The following LY86 variants were observed in gnomAD, a reference collection of about 807,000 sequenced individuals.
LY86 encodes lymphocyte antigen 86.
In LY86, 20 loss-of-function variants were observed where a neutral mutation model predicts 17.3. That is an observed-to-expected ratio of 1.15 (90% confidence interval 0.81 to 1.68). The LOEUF (loss-of-function observed/expected upper bound fraction) is 1.68, where lower values mean the gene tolerates loss of function less well. Ranked by LOEUF, LY86 falls within the 40% of genes most tolerant of loss-of-function variation. The probability of loss-of-function intolerance (pLI) is 0.00; values close to 1 mark genes in which losing one functional copy is unlikely to be tolerated. For missense variants in LY86, 200 were observed against 191.9 expected (o/e 1.04, Z -0.25); for synonymous variants, 74 against 70.6 (o/e 1.05, Z -0.24).
chr6:6,653,095 TGAG>T (rs1284373404), intron 4 of LY86, among the ~76,000 whole-genome samples: 1 of 152,216 alleles, frequency 6.6e-6, no homozygotes, highest in Non-Finnish European at 1.5e-5. Context: ...GCTCAATATT[TGAG>T]GAGTGTGACT....
chr6:6,612,380 C>A (rs1021649284), intron 1 of LY86, among the ~76,000 whole-genome samples: 1 of 152,210 alleles, frequency 6.6e-6, no homozygotes, highest in Non-Finnish European at 1.5e-5. Flanking sequence ...GAGTGTTAAT[C>A]ATTTATTTTC....
intron 1 of LY86, among the ~76,000 whole-genome samples, chr6:6,624,239 A>T (rs1761738261): frequency 6.6e-6 from 1 of 152,174 alleles, no homozygotes; most frequent in Non-Finnish European, 1.5e-5. Flanking sequence ...CTGTATTCTG[A>T]GGCATAGATA....
rs1761789377 is a variant in LY86, at chr6:6,626,399, T to C, written c.330T>C (p.Ser110=). 6.2e-7 allele frequency: 1 copy of C among 1,613,954 alleles called. No individual in the cohort carries two copies. Among genetic ancestry groups the C allele is most frequent in the South Asian group, 1.1e-5 (1 of 91,090 alleles). The change falls in exon 3 of 5, where the codon TCT becomes TCC. Residue 110 remains serine, a synonymous_variant. Transcript: ENST00000230568. The part of the protein sequence containing the change: ...PICEAALPKF[S]FCGRRKGEQI... ...GTGAGGCGGCTCTGCCCAAGTTTTC[T>C]TTCTGTGGAAGAAGGAAAGGAGGTA...
At position 6,622,363 on chromosome 6, in the gene LY86, A is replaced by G. The variant is rs1293918555; in HGVS notation, c.137-2563A>G. Among the ~76,000 whole-genome samples the G allele has an allele frequency of 2.6e-5, 4 of 152,228 alleles. No individual in the cohort carries two copies. In the East Asian group the frequency reaches 7.7e-4, roughly 29 times the overall value. ...CCTCTTTTATTTTGCCTGGATAGCA[A>G]CTTAAATTTATCCACAATTTTGAGG... is the stretch of plus-strand genomic sequence containing the variant. On this transcript the variant is annotated intron_variant, in intron 1 of 4. Transcript: ENST00000230568.
intron 1 of LY86, among the ~76,000 whole-genome samples, chr6:6,615,020 A>G (rs1224083719): frequency 6.6e-6 from 1 of 152,204 alleles, no homozygotes; most frequent in Non-Finnish European, 1.5e-5. Flanking sequence ...AATGGTTTGT[A>G]AGGAGATTTC....
chr6:6,606,384 A>G (rs897278102), intron 1 of LY86, among the ~76,000 whole-genome samples: 2 of 152,140 alleles, frequency 1.3e-5, no homozygotes, highest in Admixed American at 1.3e-4. Flanking sequence ...AGTCCCCCCC[A>G]GACTCAGGAT....
chr6:6,614,675 C>T (rs1033246397), intron 1 of LY86, among the ~76,000 whole-genome samples: 1 of 152,134 alleles, frequency 6.6e-6, no homozygotes, highest in African/African-American at 2.4e-5. Context: ...TGTCCCTGAA[C>T]TCTCATCTCA....
At chr6:6,652,303 G>C (rs1421856270) in intron 4 of LY86, among the ~76,000 whole-genome samples, 1 of 152,050 alleles carries the variant, frequency 6.6e-6, no homozygotes, top group Non-Finnish European at 1.5e-5. Flanking sequence ...AATGCACGGA[G>C]GCTTTGCTTT....
intron 1 of LY86, among the ~76,000 whole-genome samples, chr6:6,592,312 A>G (rs1760554911): frequency 6.6e-6 from 1 of 152,218 alleles, no homozygotes; most frequent in Non-Finnish European, 1.5e-5. Context: ...ACTAAAGCAA[A>G]AGGAGGAGCA....
chr6:6,626,469 A>G lies in LY86; in HGVS notation c.352+48A>G, dbSNP rs764742054. The G allele has an allele frequency of 3.7e-6, 6 of 1,605,560 alleles. No individual in the cohort carries two copies. In the South Asian group the frequency reaches 4.4e-5, roughly 12 times the overall value. The stretch of plus-strand genomic sequence containing the variant: ...TGCTGGCAGGGGCCTGCAGAGAGAT[A>G]AACTCGAACTTGCATCTGAGGCCAG... On this transcript the variant is annotated intron_variant, in intron 3 of 4. Coordinates refer to ENST00000230568, the MANE Select transcript of LY86 (RefSeq NM_004271.4).
intron 1 of LY86, among the ~76,000 whole-genome samples, chr6:6,592,671 GATTA>G (rs1234324687): frequency 3.9e-5 from 6 of 152,138 alleles, no homozygotes; most frequent in Admixed American, 3.9e-4. Context: ...TCATAAATGG[GATTA>G]ATATCTTAAA....
At chr6:6,642,724 G>A (rs59646117) in intron 3 of LY86, among the ~76,000 whole-genome samples, 16,509 of 152,224 alleles carry the variant, frequency 0.11, 1,696 homozygotes, top group East Asian at 0.26. Context: ...CAAAGCTTCA[G>A]ATCAGAGGGG....
chr6:6,637,613 C>A (rs974056037), intron 3 of LY86, among the ~76,000 whole-genome samples: 2 of 152,158 alleles, frequency 1.3e-5, no homozygotes, highest in South Asian at 4.1e-4. Context: ...ACTCACGACT[C>A]CCCCACATCA....
intron 3 of LY86, among the ~76,000 whole-genome samples, chr6:6,637,686 T>C (rs1170397154): frequency 6.6e-6 from 1 of 152,150 alleles, no homozygotes; most frequent in Non-Finnish European, 1.5e-5. Flanking sequence ...CCGAGAGCCC[T>C]GAGTGTGTGA....
intron 1 of LY86, among the ~76,000 whole-genome samples, chr6:6,600,852 G>A (rs1008073550): frequency 6.6e-6 from 1 of 152,080 alleles, no homozygotes; most frequent in Non-Finnish European, 1.5e-5. Context: ...GGAGCCTCAA[G>A]TCTCCAGAGA....
chr6:6,646,186 G>A (rs1387528608), intron 3 of LY86, among the ~76,000 whole-genome samples: 3 of 152,112 alleles, frequency 2.0e-5, no homozygotes, highest in Non-Finnish European at 4.4e-5. Context: ...CCCTCTATAT[G>A]TAACCACATA....
chr6:6,626,798 C>T (rs1761796680), intron 3 of LY86, among the ~76,000 whole-genome samples: 1 of 151,310 alleles, frequency 6.6e-6, no homozygotes, highest in Non-Finnish European at 1.5e-5. Context: ...GGCAGGATGT[C>T]CTTAATATAG....
At chr6:6,593,488 C>T (rs1382360693) in intron 1 of LY86, among the ~76,000 whole-genome samples, 1 of 152,172 alleles carries the variant, frequency 6.6e-6, no homozygotes. Context: ...AGCCTAATGT[C>T]ATAGGGAGAA....
chr6:6,604,390 G>A (rs1561778458), intron 1 of LY86, among the ~76,000 whole-genome samples: 5 of 151,576 alleles, frequency 3.3e-5, no homozygotes, highest in Admixed American at 6.6e-5. Flanking sequence ...AATAATCAGG[G>A]AGGTTTGAAA....
Sources: gnomAD v4.1 joint callset for allele counts (sites outside exome capture counted in the v4.1 genomes callset) on GRCh38, gnomAD v4.1.1 for gene constraint, MANE v1.5 for transcripts, NCBI Gene and HGNC (gene_info 2026-07-23, HGNC 2026-07-21) for gene names.